The following MYO5A variants were observed in gnomAD, a reference collection of about 807,000 sequenced individuals.
The protein encoded by MYO5A is unconventional myosin-Va.
Under a neutral mutation model 249.7 loss-of-function variants are expected in MYO5A, and 98 were observed. The ratio of observed to expected loss-of-function variants is 0.39; its 90% CI spans 0.33 to 0.46. The LOEUF is 0.46. Among genes scored for constraint, MYO5A ranks in the 20% least tolerant of loss-of-function variants. The pLI, the probability that MYO5A is intolerant of heterozygous loss-of-function variation, is 0.98. For synonymous variants in MYO5A, 778 were observed against 810.6 expected (o/e 0.96, Z 0.68); for missense variants, 1,696 against 2,308.8 (o/e 0.73, Z 5.44).
intron 1 of MYO5A, among the ~76,000 whole-genome samples, chr15:52,481,161 A>G (rs989181834): frequency 5.3e-5 from 8 of 152,240 alleles, no homozygotes; most frequent in Non-Finnish European, 1.2e-4. Flanking sequence ...AATCCCAGTC[A>G]GCACCGGTGC....
intron 1 of MYO5A, among the ~76,000 whole-genome samples, chr15:52,443,932 G>A (rs11852555): frequency 0.15 from 22,830 of 151,820 alleles, 1,827 homozygotes; most frequent in Middle Eastern, 0.22. Context: ...GCAGTGAGCC[G>A]AGATTGTGCC....
chr15:52,330,932 T>A (rs150159013), intron 34 of MYO5A, among the ~76,000 whole-genome samples: 4 of 152,234 alleles, frequency 2.6e-5, no homozygotes, highest in African/African-American at 9.6e-5. Context: ...CAGAAACAAT[T>A]CCCCCTTGCT....
chr15:52,387,995 G>T, intron 13 of MYO5A, 83 bp from the exon 14 acceptor site: 1 of 1,029,276 alleles, frequency 9.7e-7, no homozygotes, highest in Non-Finnish European at 1.5e-6. Context: ...ATCTTTATTA[G>T]TCTCAGGCTA....
intron 3 of MYO5A, among the ~76,000 whole-genome samples, chr15:52,426,315 G>C (rs544794043): frequency 8.6e-6 from 1 of 116,646 alleles, no homozygotes; most frequent in East Asian, 4.5e-4. Flanking sequence ...TTCATGCAAA[G>C]AGTTTTTTTT....
chr15:52,521,098 C>A lies in MYO5A; in HGVS notation c.27+7682G>T, dbSNP rs376570179. Among the ~76,000 whole-genome samples, 21 of 152,052 alleles carry A rather than the reference C, an allele frequency of 1.4e-4. 1 individual carries two copies. The East Asian group carries it at 2.1e-3, about 15-fold the overall frequency. On this transcript the variant is annotated intron_variant, in intron 1 of 41. Coordinates refer to ENST00000399233, the MANE Select transcript of MYO5A (RefSeq NM_001382347.1). ...CAAAAATTAGCCAGGGGTGGTGGCACATGCCTGTAGTCCCAGCTACTCGGG... is the reference window on the plus strand; with the variant it reads ...CAAAAATTAGCCAGGGGTGGTGGCAAATGCCTGTAGTCCCAGCTACTCGGG...
chr15:52,495,866 C>T (rs2077027654), intron 1 of MYO5A, among the ~76,000 whole-genome samples: 1 of 151,962 alleles, frequency 6.6e-6, no homozygotes, highest in South Asian at 2.1e-4. Context: ...CCAAGTTCAT[C>T]TGAGTTTAAG....
chr15:52,466,245 G>A (rs1413716237), intron 1 of MYO5A, among the ~76,000 whole-genome samples: 1 of 152,190 alleles, frequency 6.6e-6, no homozygotes, highest in African/African-American at 2.4e-5. Flanking sequence ...GTCTTTGGCA[G>A]TAGAGAGACT....
At chr15:52,425,211 G>C (rs1335710501) in intron 4 of MYO5A, among the ~76,000 whole-genome samples, 1 of 152,096 alleles carries the variant, frequency 6.6e-6, no homozygotes, top group Non-Finnish European at 1.5e-5. Flanking sequence ...ACATTGGGTA[G>C]GTCATTTAAT....
chr15:52,503,058 G>GA (rs1410513738), intron 1 of MYO5A, among the ~76,000 whole-genome samples: 6 of 152,150 alleles, frequency 3.9e-5, no homozygotes, highest in Admixed American at 1.3e-4. Context: ...AAGAGAGGTT[G>GA]ATTAATGGGC....
chr15:52,458,747 C>T (rs2076170778), intron 1 of MYO5A, among the ~76,000 whole-genome samples: 1 of 139,338 alleles, frequency 7.2e-6, no homozygotes, highest in South Asian at 2.5e-4. Flanking sequence ...CAAATACATA[C>T]AAATATAAAT....
rs1256551521 is a variant in MYO5A, at chr15:52,310,736, G to A, written c.*2960C>T. 2.0e-5 allele frequency: 3 copies of A among 152,450 alleles called. No individual in the cohort carries two copies. Among genetic ancestry groups the A allele is most frequent in the African/African-American group, 7.2e-5 (3 of 41,450 alleles). 9.4% of individuals were successfully genotyped at this position (152,450 alleles called of 1,614,324 possible). A position where few individuals can be genotyped will look rare whatever the true frequency, so the allele number is the denominator to read the frequency against. ...AGTAGGGGAAAGGCTGGCAGGGTGTGTCTGAAGTTGGGTGAGAAAGTGTGG... is the reference window on the plus strand; with the variant it reads ...AGTAGGGGAAAGGCTGGCAGGGTGTATCTGAAGTTGGGTGAGAAAGTGTGG... On this transcript the variant is annotated 3_prime_UTR_variant, in exon 42 of 42. Transcript: ENST00000399233.
Position 52,379,848 on chromosome 15 carries a change from T to A in MYO5A, c.2073A>T (p.Arg691=). ...LRACGVLETI[R]ISAAGFPSRW... is the part of the protein sequence containing the mutation. ...GTGAGGGGAAACCGGCCGCACTGATTCGGATGGTTTCCAGGACACCACATG... is the reference window on the plus strand; with the variant it reads ...GTGAGGGGAAACCGGCCGCACTGATACGGATGGTTTCCAGGACACCACATG... Residue 691 remains arginine (R), a synonymous_variant, in exon 17 of 42, where the codon CGA becomes CGT. Coordinates refer to ENST00000399233, the MANE Select transcript of MYO5A (RefSeq NM_001382347.1). The A allele has an allele frequency of 1.9e-6, 3 of 1,614,122 alleles. No homozygotes were observed. Among genetic ancestry groups the A allele is most frequent in the Non-Finnish European group, 1.7e-6 (2 of 1,180,008 alleles).
At chr15:52,419,749 G>A (rs1166262938) in intron 4 of MYO5A, among the ~76,000 whole-genome samples, 1 of 152,144 alleles carries the variant, frequency 6.6e-6, no homozygotes, top group Non-Finnish European at 1.5e-5. Flanking sequence ...AAATCAACCT[G>A]AGTTTTCTGT....
At position 52,507,804 on chromosome 15, in the gene MYO5A, C is replaced by CAAAAAAAAAAAAAAAAAAA. The variant is rs57445300; in HGVS notation, c.27+20975_27+20976insTTTTTTTTTTTTTTTTTTT. Among the ~76,000 whole-genome samples, 3 of 102,954 alleles carry CAAAAAAAAAAAAAAAAAAA rather than the reference C, an allele frequency of 2.9e-5. No individual in the cohort carries two copies. In the East Asian group the frequency reaches 8.4e-4, roughly 29 times the overall value. 67.5% of individuals were successfully genotyped at this position (102,954 alleles called of 152,430 possible). A position where few individuals can be genotyped will look rare whatever the true frequency, so the allele number is the denominator to read the frequency against. On this transcript the variant is annotated intron_variant, in intron 1 of 41. Transcript: ENST00000399233. The stretch of plus-strand genomic sequence containing the variant: ...GAGCAACAGAATGAGACCCTGTCCC[C>CAAAAAAAAAAAAAAAAAAA]AAAAAAAAAAAAAAAAAGTGTAATA...
Position 52,367,086 on chromosome 15 carries a change from C to T in MYO5A, c.3105G>A (p.Lys1035=), listed in dbSNP as rs560755573. The T allele has an allele frequency of 7.4e-6, 12 of 1,613,772 alleles. No individual in the cohort carries two copies. The East Asian group carries it at 2.0e-4, about 27-fold the overall frequency. ...SNLKEENTLL[K]QEKEALNHRI... ...GGTGATTGAGGGCTTCTTTTTCTTG[C>T]TTCAGCAAAGTATTTTCTTCCTTCA... Residue 1035 remains lysine (K), a synonymous_variant, in exon 23 of 42, where the codon AAG becomes AAA. Transcript: ENST00000399233.
chr15:52,372,668 C>T (rs568752901), intron 20 of MYO5A, among the ~76,000 whole-genome samples: 2 of 152,064 alleles, frequency 1.3e-5, no homozygotes, highest in African/African-American at 4.8e-5. Flanking sequence ...AAATAAAAAG[C>T]ACCAGATTAC....
chr15:52,450,308 G>A (rs1208344520), intron 1 of MYO5A, among the ~76,000 whole-genome samples: 1 of 151,940 alleles, frequency 6.6e-6, no homozygotes, highest in Non-Finnish European at 1.5e-5. Flanking sequence ...TCAGAACAGT[G>A]CTTAGTACGT....
At chr15:52,333,503 T>C (rs2038982094) in intron 34 of MYO5A, among the ~76,000 whole-genome samples, 1 of 152,158 alleles carries the variant, frequency 6.6e-6, no homozygotes, top group East Asian at 1.9e-4. Context: ...GCTGCAACCA[T>C]GGGTCACTTA....
chr15:52,477,220 T>C (rs1171867010), intron 1 of MYO5A, among the ~76,000 whole-genome samples: 1 of 152,242 alleles, frequency 6.6e-6, no homozygotes, highest in Non-Finnish European at 1.5e-5. Flanking sequence ...ACGTAGTTCT[T>C]GTGCCATGGT....
Sources: gnomAD v4.1 joint callset for allele counts (sites outside exome capture counted in the v4.1 genomes callset) on GRCh38, gnomAD v4.1.1 for gene constraint, MANE v1.5 for transcripts, NCBI Gene and HGNC (gene_info 2026-07-23, HGNC 2026-07-21) for gene names.